GABPA: variants seen among roughly 807,000 people sequenced by gnomAD.
GABPA encodes the protein GA binding protein transcription factor subunit alpha, also known as GA-binding protein alpha chain.
GABPA carries 4 observed loss-of-function variants against 59.4 expected under a neutral mutation model. The ratio of observed to expected loss-of-function variants is 0.07; its 90% CI spans 0.03 to 0.15. The LOEUF is 0.15. Among genes scored for constraint, GABPA ranks in the 10% least tolerant of loss-of-function variants. The pLI, the probability that GABPA is intolerant of heterozygous loss-of-function variation, is 1.00. For missense variants in GABPA, 251 were observed against 543.8 expected, an observed-to-expected ratio of 0.46 and a Z score of 5.36; for synonymous variants, 164 against 183.1, an observed-to-expected ratio of 0.90 and a Z score of 0.84.
At position 25,761,806 on chromosome 21, in the gene GABPA, T is replaced by C. The variant is rs540495243; in HGVS notation, c.749-506T>C. On this transcript the variant is annotated intron_variant, in intron 6 of 9. Transcript: ENST00000400075. ...GAAATTATTTAGTTTAATTGAGACA[T>C]TTAGGACTGCTACAATTGTGTTGAA... Among the ~76,000 whole-genome samples the C allele has an allele frequency of 1.7e-3, 266 of 152,204 alleles. 1 individual carries two copies. Among genetic ancestry groups the C allele is most frequent in the Non-Finnish European group, 3.2e-3 (216 of 68,028 alleles).
chr21:25,744,265 G>A (rs1169426536), intron 2 of GABPA, among the ~76,000 whole-genome samples: 1 of 152,080 alleles, frequency 6.6e-6, no homozygotes. Flanking sequence ...GCTGAGGTGG[G>A]AAGATCAGTT....
At chr21:25,763,003 G>C (rs148104793) in intron 7 of GABPA, 1 of 378,358 alleles carries the variant, frequency 2.6e-6, no homozygotes, top group Admixed American at 3.4e-5. Flanking sequence ...CTTTTCTCTC[G>C]CTTTGCCTTC....
rs1038628607 is a variant in GABPA at position 25,769,844 on chromosome 21, G to A, written c.*612G>A. ...CTGGCAAAAGAGCAGTGCTGAAGGAGGAGATCCAGGTTTAAATCTGGCTTA... is the reference window on the plus strand; with the variant it reads ...CTGGCAAAAGAGCAGTGCTGAAGGAAGAGATCCAGGTTTAAATCTGGCTTA... On this transcript the variant is annotated 3_prime_UTR_variant, in exon 10 of 10. Coordinates refer to ENST00000400075, the MANE Select transcript of GABPA (RefSeq NM_002040.4). 3.3e-5 allele frequency: 5 copies of A among 152,544 alleles called. No individual in the cohort carries two copies. Among genetic ancestry groups the A allele is most frequent in the Non-Finnish European group, 7.4e-5 (5 of 68,026 alleles). 9.4% of individuals were successfully genotyped at this position (152,544 alleles called of 1,614,324 possible).
intron 7 of GABPA, 36 bp from the exon 8 acceptor site, chr21:25,764,174 G>A: frequency 6.6e-7 from 1 of 1,506,304 alleles, no homozygotes; most frequent in African/African-American, 1.4e-5. Flanking sequence ...TGCTTGTATT[G>A]GAAGAAAAAA....
In GABPA at chr21:25,745,191, T is replaced by G; in HGVS notation, c.78-19T>G. 1.2e-6 allele frequency: 2 copies of G among 1,611,048 alleles called. No individual in the cohort carries two copies. The highest frequency in any genetic ancestry group is 1.7e-6 in the Non-Finnish European group (2 of 1,179,522). On this transcript the variant is annotated intron_variant, in intron 2 of 9. Coordinates refer to ENST00000400075, the MANE Select transcript of GABPA (RefSeq NM_002040.4). ...GGGTAAAAAATGTAACTGTTAGCAC[T>G]TACATCTTTAACATTTAGCATTGTA...
intron 9 of GABPA, 41 bp from the exon 10 acceptor site, chr21:25,768,963 A>AT: frequency 1.6e-6 from 2 of 1,267,318 alleles, no homozygotes; most frequent in East Asian, 2.6e-5. Context: ...AAGAAGTCTC[A>AT]TTTTTTCTGA....
At chr21:25,737,657 A>G (rs1301984084) in intron 1 of GABPA, among the ~76,000 whole-genome samples, 1 of 152,240 alleles carries the variant, frequency 6.6e-6, no homozygotes, top group Non-Finnish European at 1.5e-5. Flanking sequence ...CATTAGGGCC[A>G]CTTCTCAGCC....
chr21:25,751,464 A>C (rs959307302), intron 4 of GABPA, among the ~76,000 whole-genome samples: 1 of 151,516 alleles, frequency 6.6e-6, no homozygotes, highest in Non-Finnish European at 1.5e-5. Context: ...TCTTCATCTC[A>C]TTTAAAATGA....
Position 25,758,096 on chromosome 21 carries a change from A to G in GABPA, c.640A>G (p.Thr214Ala), listed in dbSNP as rs759588641. ...CAGCATGACCGATATAGACCTCACC[A>G]CACTCAACATTTCGGGGAGAGAATT... Reference protein sequence around the residue: ...EFSMTDIDLTTLNISGRELCS... With the variant: ...EFSMTDIDLTALNISGRELCS... The change falls in exon 6 of 10, where the codon ACA becomes GCA. Residue 214 changes from threonine to alanine, a missense_variant. Around this residue, in one of 4 missense-constraint regions of GABPA, gnomAD observed 207 missense variants for 366.7 expected, o/e 0.56. Coordinates refer to ENST00000400075, the MANE Select transcript of GABPA (RefSeq NM_002040.4). 3.4e-5 allele frequency: 55 copies of G among 1,610,772 alleles called. No individual in the cohort carries two copies. The highest frequency in any genetic ancestry group is 4.0e-5 in the African/African-American group (3 of 74,782).
At chr21:25,762,171 C>T in intron 6 of GABPA, 141 bp from the exon 7 acceptor site, 2 of 496,710 alleles carry the variant, frequency 4.0e-6, no homozygotes. Flanking sequence ...GTTTTTATGC[C>T]AGTAAGTTTC....
At chr21:25,739,464 C>A (rs1345251370) in intron 1 of GABPA, among the ~76,000 whole-genome samples, 1 of 152,182 alleles carries the variant, frequency 6.6e-6, no homozygotes, top group Non-Finnish European at 1.5e-5. Flanking sequence ...AGAATCCGTT[C>A]CTTGTCTAGC....
At chr21:25,740,222 C>T (rs1486033951) in intron 1 of GABPA, among the ~76,000 whole-genome samples, 2 of 152,202 alleles carry the variant, frequency 1.3e-5, no homozygotes, top group South Asian at 2.1e-4. Flanking sequence ...AATAAGATTG[C>T]TCTATGCAAA....
intron 5 of GABPA, among the ~76,000 whole-genome samples, chr21:25,756,236 C>G (rs1376411980): frequency 6.6e-6 from 1 of 152,006 alleles, no homozygotes; most frequent in East Asian, 1.9e-4. Context: ...CTTTGTTTTT[C>G]TTTTAAAAGA....
chr21:25,743,123 C>G (rs900968315), intron 2 of GABPA, among the ~76,000 whole-genome samples: 5 of 152,166 alleles, frequency 3.3e-5, no homozygotes, highest in Admixed American at 6.5e-5. Flanking sequence ...TTGAGACTCT[C>G]AGCAAGATGC....
rs73161776 is a variant in GABPA at position 25,766,584 on chromosome 21, A to G, written c.1136+1797A>G. ...GATTATCCAAATGGCCAATGAATAT[A>G]TGCAAAGGTGTACGGCCTCATTAGT... On this transcript the variant is annotated intron_variant, in intron 9 of 9. Transcript: ENST00000400075. Among the ~76,000 whole-genome samples, 558 of 152,076 alleles carry G rather than the reference A, an allele frequency of 3.7e-3. 2 individuals carry two copies. Among genetic ancestry groups the G allele is most frequent in the Non-Finnish European group, 6.6e-3 (449 of 67,860 alleles).
intron 7 of GABPA, among the ~76,000 whole-genome samples, chr21:25,763,535 A>C (rs1362764423): frequency 6.6e-6 from 1 of 152,132 alleles, no homozygotes; most frequent in East Asian, 1.9e-4. Flanking sequence ...TTTTATGTTT[A>C]TTACTGTCTG....
intron 2 of GABPA, among the ~76,000 whole-genome samples, chr21:25,743,920 T>C (rs1487347442): frequency 6.6e-6 from 1 of 151,834 alleles, no homozygotes; most frequent in Non-Finnish European, 1.5e-5. Flanking sequence ...GGCGCATGCC[T>C]GTAGTCCCAG....
chr21:25,735,761 G>C (rs2035029358), intron 1 of GABPA, 183 bp downstream of exon 1: 1 of 23,664 alleles, frequency 4.2e-5, no homozygotes, highest in Non-Finnish European at 9.8e-5. Flanking sequence ...GGAGGGGCGG[G>C]AGAGCTGTGC....
chr21:25,755,404 C>T (rs190224701), intron 5 of GABPA, among the ~76,000 whole-genome samples: 53 of 148,320 alleles, frequency 3.6e-4, no homozygotes, highest in African/African-American at 1.3e-3. Flanking sequence ...CCACTATACT[C>T]CAGCCTGGGT....
Sources: allele counts gnomAD v4.1 joint callset (sites outside exome capture counted in the v4.1 genomes callset), GRCh38; gene constraint gnomAD v4.1.1; regional missense constraint gnomAD v4.1.1; transcripts MANE v1.5; gene names NCBI Gene and HGNC (gene_info 2026-07-23, HGNC 2026-07-21).